Variants in TTN observed in about 807,000 individuals in gnomAD.
The protein encoded by TTN is titin, also known as connectin.
A neutral mutation model predicts 3,223.0 loss-of-function variants in TTN; 1,525 were observed. The observed-to-expected ratio is 0.47, with a 90% CI of 0.45 to 0.49. TTN has a LOEUF of 0.49. TTN is among the 20% of genes least tolerant of loss of function. The probability of loss-of-function intolerance (pLI) is 0.00; values close to 1 mark genes in which losing one functional copy is unlikely to be tolerated. For missense variants in TTN, 40,786 were observed against 43,424.0 expected (o/e 0.94, Z 5.40); for synonymous variants, 14,094 against 15,161.0 (o/e 0.93, Z 5.17).
chr2:178,616,716 T>C lies in TTN; in HGVS notation c.48160+13A>G. On this transcript the variant is annotated intron_variant, in intron 256 of 362. Transcript: ENST00000589042. ...GCCAAATCACCTTAGATGATAAATG[T>C]TTTGTTCCTTACCAATTACATTGAC... The C allele has an allele frequency of 1.2e-6, 2 of 1,612,260 alleles. No individual in the cohort carries two copies. Among genetic ancestry groups the C allele is most frequent in the Non-Finnish European group, 1.7e-6 (2 of 1,179,072 alleles).
At position 178,557,342 on chromosome 2, in the gene TTN, A is replaced by G. The variant is rs1332665618; in HGVS notation, c.87920T>C (p.Ile29307Thr). ...TTCTGCATACACCCTGAATTCATAA[A>G]TAAGTCCAGCACTGATTGTTGTGAC... ...FKVTTISAGLIYEFRVYAENA... is the reference protein window; with the variant it reads ...FKVTTISAGLTYEFRVYAENA... The change falls in exon 329 of 363, where the codon ATT (isoleucine) becomes ACT (threonine). Residue 29307 changes from isoleucine (I) to threonine (T), a missense_variant. Transcript: ENST00000589042. 1.2e-6 allele frequency: 2 copies of G among 1,613,978 alleles called. No homozygotes were observed. The highest frequency in any genetic ancestry group is 1.7e-6 in the Non-Finnish European group (2 of 1,179,860).
rs559712998 is a variant in TTN at position 178,601,562 on chromosome 2, C to T, written c.55435G>A (p.Val18479Ile). The T allele has an allele frequency of 4.1e-5, 66 of 1,608,652 alleles. 1 individual carries two copies. In the East Asian group the frequency reaches 1.4e-3, roughly 34 times the overall value. The change falls in exon 287 of 363, where the codon GTA (valine) becomes ATA (isoleucine). Residue 18479 changes from valine to isoleucine, a missense_variant and splice_region_variant. By Grantham distance (29) the Val-to-Ile change is conservative. Coordinates refer to ENST00000589042, the MANE Select transcript of TTN (RefSeq NM_001267550.2). ...TTCAGATCTTTGGGTGGGCCTGGTA[C>T]ATCTGTTGGATGTAAATCACAATAT... ...TANCRVKVMD[V>I]PGPPKDLKVS...
Position 178,608,089 on chromosome 2 carries a change from G to T in TTN, c.52706-8C>A, listed in dbSNP as rs778009101. The T allele has an allele frequency of 6.2e-7, 1 of 1,610,934 alleles. No homozygotes were observed. Among genetic ancestry groups the T allele is most frequent in the East Asian group, 2.2e-5 (1 of 44,454 alleles). On this transcript the variant is annotated splice_polypyrimidine_tract_variant and splice_region_variant and intron_variant, in intron 275 of 362. Coordinates refer to ENST00000589042, the MANE Select transcript of TTN (RefSeq NM_001267550.2). ...TAGGTGGCCCAGGAGGAGCTAGAAT[G>T]AATGAAGATAGACAAATCAAACTCC...
chr2:178,784,395 T>TCC, intron 15 of TTN, 44 bp from the exon 16 acceptor site: 1 of 1,606,824 alleles, frequency 6.2e-7, no homozygotes, highest in African/African-American at 1.3e-5. Context: ...TTAACCATCC[T>TCC]CCGATGGCTA....
chr2:178,594,939 T>G (rs2051117389), intron 295 of TTN, among the ~76,000 whole-genome samples: 1 of 152,052 alleles, frequency 6.6e-6, no homozygotes, highest in Admixed American at 6.6e-5. Flanking sequence ...TTTCTATTAA[T>G]GCCATTAAGT....
At chr2:178,683,049 C>G in intron 134 of TTN, 146 bp from the exon 135 acceptor site, 2 of 1,009,986 alleles carry the variant, frequency 2.0e-6, no homozygotes, top group Non-Finnish European at 3.0e-6. Context: ...TTTGGCCAGT[C>G]AAGGTATCAT....
intron 152 of TTN, 93 bp from the exon 153 acceptor site, chr2:178,672,796 T>G (rs2067247875): frequency 1.8e-6 from 2 of 1,100,714 alleles, no homozygotes; most frequent in South Asian, 3.2e-5. Context: ...TTACAATAAT[T>G]AAAGTTTTTC....
intron 126 of TTN, 38 bp downstream of exon 126, chr2:178,688,639 A>C: frequency 7.2e-7 from 1 of 1,388,140 alleles, no homozygotes; most frequent in South Asian, 1.2e-5. Context: ...GAGGAAACAC[A>C]CACAAACTCA....
rs794729456 is a variant in TTN at position 178,608,322 on chromosome 2, T to C, written c.52561A>G (p.Lys17521Glu). The change falls in exon 275 of 363, where the codon AAA (lysine) becomes GAA (glutamate). Residue 17521 changes from lysine (K) to glutamate (E), a missense_variant. By Grantham distance (56) the Lys-to-Glu change is moderately conservative. Coordinates refer to ENST00000589042, the MANE Select transcript of TTN (RefSeq NM_001267550.2). ...GCTTTCAAGGCATTCAGAAGGCTTT[T>C]GTTGACACGAGACCAATGTGTACTG... ...VNSTHWSRVN[K>E]SLLNALKANV... 1.2e-6 allele frequency: 2 copies of C among 1,612,358 alleles called. No individual in the cohort carries two copies. Among genetic ancestry groups the C allele is most frequent in the African/African-American group, 2.7e-5 (2 of 74,832 alleles).
At chr2:178,606,740 AT>A in intron 278 of TTN, among the ~76,000 whole-genome samples, 1 of 151,998 alleles carries the variant, frequency 6.6e-6, no homozygotes, top group East Asian at 1.9e-4. Context: ...GAGATATAAT[AT>A]GTCTAAACTA....
intron 288 of TTN, 121 bp downstream of exon 288, chr2:178,600,733 A>T (rs920065138): frequency 2.1e-5 from 24 of 1,164,944 alleles, no homozygotes; most frequent in Admixed American, 3.5e-5. Flanking sequence ...GCCCATGTCT[A>T]CATTCAAGCC....
chr2:178,649,465 A>G (rs2062565882), intron 212 of TTN, 89 bp downstream of exon 212: 8 of 1,404,286 alleles, frequency 5.7e-6, no homozygotes, highest in Admixed American at 2.6e-5. Flanking sequence ...GTCCTTAGTT[A>G]TGCAACAACA....
chr2:178,614,717 G>A lies in TTN; in HGVS notation c.48797C>T (p.Ala16266Val). Reference protein sequence around the residue: ...PEIFLDVKLLAGLTVKAGTKI... With the variant: ...PEIFLDVKLLVGLTVKAGTKI... ...GGTCCCAGCTTTTACAGTGAGACCA[G>A]CAAGGAGCTTCACATCGAGGAAGAT... The change falls in exon 261 of 363, where the codon GCT becomes GTT. Residue 16266 changes from alanine (A) to valine (V), a missense_variant. Ala to Val is a moderately conservative substitution (Grantham distance 64). Coordinates refer to ENST00000589042, the MANE Select transcript of TTN (RefSeq NM_001267550.2). 1 of 1,610,878 alleles carries A rather than the reference G, an allele frequency of 6.2e-7. No homozygotes were observed. The highest frequency in any genetic ancestry group is 8.5e-7 in the Non-Finnish European group (1 of 1,178,460).
In TTN at chr2:178,532,099, C is replaced by T. The variant is rs371628882; in HGVS notation, c.104516G>A (p.Arg34839Gln). 65 of 1,613,940 alleles carry T rather than the reference C, an allele frequency of 4.0e-5. No homozygotes were observed. The African/African-American group carries it at 4.7e-4, about 12-fold the overall frequency. Residue 34839 changes from arginine (R) to glutamine (Q), a missense_variant, in exon 358 of 363, where the codon CGA becomes CAA. Coordinates refer to ENST00000589042, the MANE Select transcript of TTN (RefSeq NM_001267550.2). Reference sequence around the variant, plus strand: ...ATAAGTTGGAGACAGGGAGCGCCGTCGTCTCAGTAGTCTAGACGCAGATGA... The same window carrying T: ...ATAAGTTGGAGACAGGGAGCGCCGTTGTCTCAGTAGTCTAGACGCAGATGA... Reference protein sequence around the residue: ...SSSSASRLLRRRRSLSPTYIE... With the variant: ...SSSSASRLLRQRRSLSPTYIE...
intron 13 of TTN, among the ~76,000 whole-genome samples, chr2:178,787,109 T>G (rs1350798107): frequency 6.6e-6 from 1 of 152,122 alleles, no homozygotes; most frequent in Non-Finnish European, 1.5e-5. Context: ...ATTGGAAAAT[T>G]TTATTAATAT....
chr2:178,699,884 C>T (rs1446370358), intron 111 of TTN, among the ~76,000 whole-genome samples: 1 of 150,444 alleles, frequency 6.6e-6, no homozygotes, highest in African/African-American at 2.4e-5. Flanking sequence ...CCCACCACCA[C>T]GCCCGGCTAA....
intron 120 of TTN, 75 bp downstream of exon 120, chr2:178,692,421 TG>T: frequency 7.7e-7 from 1 of 1,298,022 alleles, no homozygotes; most frequent in Non-Finnish European, 1.1e-6. Context: ...GATGCTATTT[TG>T]TTAATACACA....
At chr2:178,541,652 G>T (rs1694579140) in intron 349 of TTN, 68 bp from the exon 350 acceptor site, 1 of 1,391,904 alleles carries the variant, frequency 7.2e-7, no homozygotes, top group African/African-American at 1.4e-5. Context: ...TCATATATTT[G>T]TGTTTTCCTT....
Position 178,723,304 on chromosome 2 carries a change from T to C in TTN, c.21703A>G (p.Arg7235Gly). 6.2e-7 allele frequency: 1 copy of C among 1,611,890 alleles called. No individual in the cohort carries two copies. Among genetic ancestry groups the C allele is most frequent in the Non-Finnish European group, 8.5e-7 (1 of 1,178,876 alleles). The change falls in exon 75 of 363, where the codon AGA becomes GGA. Residue 7235 changes from arginine (R) to glycine (G), a missense_variant. Arg to Gly is a moderately radical substitution (Grantham distance 125). Coordinates refer to ENST00000589042, the MANE Select transcript of TTN (RefSeq NM_001267550.2). ...FVKEPAAFLK[R>G]LSDHSVEPGK... The stretch of plus-strand genomic sequence containing the variant: ...GGTTCTACAGAATGATCACTTAATC[T>C]CTTCAAAAATGCAGCTGGTTCTAGT...
Sources: gnomAD v4.1 joint callset for allele counts (sites outside exome capture counted in the v4.1 genomes callset) on GRCh38, gnomAD v4.1.1 for gene constraint, MANE v1.5 for transcripts, NCBI Gene and HGNC (gene_info 2026-07-23, HGNC 2026-07-21) for gene names.